The following RBFOX1 variants were observed in gnomAD, a reference collection of about 807,000 sequenced individuals.
RBFOX1 encodes the protein RNA binding protein fox-1 homolog 1.
A neutral mutation model predicts 57.7 loss-of-function variants in RBFOX1; 8 were observed. That is an observed-to-expected ratio of 0.14 (90% CI 0.08 to 0.25). RBFOX1 has a LOEUF of 0.25. Among genes scored for constraint, RBFOX1 ranks in the 10% least tolerant of loss-of-function variants. RBFOX1 has a pLI of 1.00. For synonymous variants in RBFOX1, 326 were observed against 222.4 expected (o/e 1.47, Z -4.15); for missense variants, 611 against 548.5 (o/e 1.11, Z -1.14).
intron 4 of RBFOX1, among the ~76,000 whole-genome samples, chr16:5,988,744 G>T (rs969685968): frequency 6.6e-6 from 1 of 152,164 alleles, no homozygotes; most frequent in Non-Finnish European, 1.5e-5. Context: ...TCAGTAATCT[G>T]AGTGATTCAG....
chr16:6,767,453 G>GT (rs956766939), intron 3 of RBFOX1, among the ~76,000 whole-genome samples: 1 of 152,068 alleles, frequency 6.6e-6, no homozygotes, highest in African/African-American at 2.4e-5. Flanking sequence ...TTATCCTGAG[G>GT]TTTTTCACTT....
chr16:5,760,035 G>A (rs2053539530), intron 3 of RBFOX1, among the ~76,000 whole-genome samples: 1 of 151,112 alleles, frequency 6.6e-6, no homozygotes, highest in Non-Finnish European at 1.5e-5. Context: ...TTGTATTTGA[G>A]CCTCAATATG....
At chr16:6,795,499 G>A (rs1018287434) in intron 3 of RBFOX1, among the ~76,000 whole-genome samples, 5 of 152,100 alleles carry the variant, frequency 3.3e-5, no homozygotes, top group Non-Finnish European at 7.4e-5. Context: ...TGCGCACGTT[G>A]GCTCACGTCT....
intron 3 of RBFOX1, among the ~76,000 whole-genome samples, chr16:5,783,044 C>G (rs919088107): frequency 6.6e-6 from 1 of 152,174 alleles, no homozygotes; most frequent in African/African-American, 2.4e-5. Context: ...TGGACACACC[C>G]AGAAGTAATA....
rs1596633747 is a variant in RBFOX1 at position 5,660,392 on chromosome 16, C to A, written c.318+61431C>A. Among the ~76,000 whole-genome samples, 3 of 152,222 alleles carry A rather than the reference C, an allele frequency of 2.0e-5. No homozygotes were observed. In the South Asian group the frequency reaches 6.2e-4, roughly 32 times the overall value. ...CCGGTGACTATGAAGGGGTCTTTGG[C>A]TCATCATTTTATAACTGGGACTCAA... is the stretch of plus-strand genomic sequence containing the variant. On this transcript the variant is annotated intron_variant, in intron 3 of 19. Transcript: ENST00000641259.
intron 2 of RBFOX1, among the ~76,000 whole-genome samples, chr16:6,614,103 G>C (rs1440828519): frequency 1.3e-5 from 2 of 152,112 alleles, no homozygotes; most frequent in African/African-American, 2.4e-5. Flanking sequence ...ATAACGAATA[G>C]GTAATATTTT....
At chr16:5,694,041 G>A (rs889980877) in intron 3 of RBFOX1, among the ~76,000 whole-genome samples, 2 of 152,182 alleles carry the variant, frequency 1.3e-5, no homozygotes, top group Admixed American at 6.5e-5. Flanking sequence ...CAGAGTAAGT[G>A]AGATAAATTT....
intron 1 of RBFOX1, among the ~76,000 whole-genome samples, chr16:5,257,247 G>A (rs1183871392): frequency 6.6e-6 from 1 of 152,188 alleles, no homozygotes; most frequent in Non-Finnish European, 1.5e-5. Context: ...AAACGTGAGT[G>A]ATGAGTGGAA....
At chr16:5,722,210 C>A (rs1182140908) in intron 3 of RBFOX1, among the ~76,000 whole-genome samples, 3 of 152,112 alleles carry the variant, frequency 2.0e-5, no homozygotes, top group Admixed American at 1.3e-4. Flanking sequence ...CAGTATTTAA[C>A]TGTTGTCGTT....
chr16:5,806,372 G>A (rs528977065), intron 3 of RBFOX1, among the ~76,000 whole-genome samples: 1 of 152,284 alleles, frequency 6.6e-6, no homozygotes, highest in South Asian at 2.1e-4. Flanking sequence ...GGCCAAAAAG[G>A]GTAACAGGGA....
intron 4 of RBFOX1, among the ~76,000 whole-genome samples, chr16:7,337,632 T>C (rs2144881513): frequency 6.6e-6 from 1 of 152,318 alleles, no homozygotes; most frequent in Admixed American, 6.5e-5. Context: ...ATGGGCTTCA[T>C]CTATACCATC....
chr16:6,461,651 T>C (rs1170578278), intron 2 of RBFOX1, among the ~76,000 whole-genome samples: 2 of 152,216 alleles, frequency 1.3e-5, no homozygotes, highest in African/African-American at 4.8e-5. Context: ...TGTCTCCCCA[T>C]AGGGATAACA....
chr16:6,174,658 A>G (rs1025728447), intron 1 of RBFOX1, among the ~76,000 whole-genome samples: 1 of 152,184 alleles, frequency 6.6e-6, no homozygotes. Flanking sequence ...GGATATCAGC[A>G]CAAGAACTTC....
intron 3 of RBFOX1, among the ~76,000 whole-genome samples, chr16:5,852,625 G>A (rs981579243): frequency 6.6e-6 from 1 of 152,134 alleles, no homozygotes; most frequent in Non-Finnish European, 1.5e-5. Flanking sequence ...GCTTGATGCA[G>A]CTTGGCTAGG....
At chr16:7,678,715 G>A (rs183941798) in intron 14 of RBFOX1, among the ~76,000 whole-genome samples, 4 of 152,208 alleles carry the variant, frequency 2.6e-5, no homozygotes, top group Admixed American at 2.6e-4. Context: ...AATGCTATTA[G>A]AATTACCTGA....
intron 4 of RBFOX1, among the ~76,000 whole-genome samples, chr16:7,101,157 A>G (rs947462483): frequency 9.2e-5 from 14 of 152,166 alleles, no homozygotes; most frequent in Non-Finnish European, 1.6e-4. Context: ...CTGAGTATTA[A>G]TTTAGTCAGA....
upstream of RBFOX1, among the ~76,000 whole-genome samples, chr16:6,018,748 G>A (rs901216492): frequency 6.6e-6 from 1 of 152,188 alleles, no homozygotes; most frequent in Admixed American, 6.5e-5. Flanking sequence ...TCTAGTGGGG[G>A]ATTTGTCTAC....
At chr16:7,477,514 T>C (rs539570598) in intron 4 of RBFOX1, among the ~76,000 whole-genome samples, 2 of 152,156 alleles carry the variant, frequency 1.3e-5, no homozygotes, top group African/African-American at 4.8e-5. Flanking sequence ...CCCCTGAATA[T>C]TATTGCCTGG....
intron 4 of RBFOX1, among the ~76,000 whole-genome samples, chr16:7,109,016 G>A (rs2064135811): frequency 6.6e-6 from 1 of 152,248 alleles, no homozygotes; most frequent in African/African-American, 2.4e-5. Context: ...ATGGAAAAGA[G>A]GGCAGTATAC....
Sources: allele counts gnomAD v4.1 joint callset (sites outside exome capture counted in the v4.1 genomes callset), GRCh38; gene constraint gnomAD v4.1.1; transcripts MANE v1.5; gene names NCBI Gene and HGNC (gene_info 2026-07-23, HGNC 2026-07-21).